The following ZNF521 variants were observed in gnomAD, a reference collection of about 807,000 sequenced individuals.
The protein encoded by ZNF521 is LYST-interacting protein 3.
Under a neutral mutation model 105.5 loss-of-function variants are expected in ZNF521, and 14 were observed. That is an observed-to-expected ratio of 0.13 (90% confidence interval 0.09 to 0.21). The LOEUF (loss-of-function observed/expected upper bound fraction) is 0.21. Ranked by LOEUF, ZNF521 falls within the 10% of genes least tolerant of loss-of-function variation. The pLI is 1.00. For missense variants in ZNF521, 1,233 were observed against 1,629.7 expected, an observed-to-expected ratio of 0.76 and a Z score of 4.19; for synonymous variants, 635 against 606.0, an observed-to-expected ratio of 1.05 and a Z score of -0.70.
chr18:25,270,862 G>C (rs147303377), intron 3 of ZNF521, among the ~76,000 whole-genome samples: 1 of 152,046 alleles, frequency 6.6e-6, no homozygotes, highest in Non-Finnish European at 1.5e-5. Flanking sequence ...TTTGAAAACC[G>C]GCACAACACA....
At chr18:25,071,909 A>T (rs1457598339) in intron 7 of ZNF521, among the ~76,000 whole-genome samples, 1 of 152,146 alleles carries the variant, frequency 6.6e-6, no homozygotes, top group Admixed American at 6.5e-5. Context: ...GAGGAGGCAG[A>T]GGTAAAAAGG....
chr18:25,068,874 C>G (rs1277690126), intron 7 of ZNF521, among the ~76,000 whole-genome samples: 1 of 152,136 alleles, frequency 6.6e-6, no homozygotes, highest in Non-Finnish European at 1.5e-5. Context: ...AGCTGGGCAC[C>G]CCTAAGGAAA....
chr18:25,132,810 A>AG (rs1195687113), intron 5 of ZNF521, among the ~76,000 whole-genome samples: 1 of 152,188 alleles, frequency 6.6e-6, no homozygotes, highest in Non-Finnish European at 1.5e-5. Flanking sequence ...CTGTAATAAA[A>AG]GGGGAGAAAA....
chr18:25,216,838 G>A (rs929363690), intron 4 of ZNF521, among the ~76,000 whole-genome samples: 1 of 152,178 alleles, frequency 6.6e-6, no homozygotes, highest in Non-Finnish European at 1.5e-5. Context: ...TTATAGGCAT[G>A]AGGCATCATG....
At chr18:25,096,124 G>T (rs1246619630) in intron 5 of ZNF521, among the ~76,000 whole-genome samples, 1 of 152,158 alleles carries the variant, frequency 6.6e-6, no homozygotes, top group Non-Finnish European at 1.5e-5. Flanking sequence ...TCATTTAACT[G>T]TGAACATAAA....
rs1203622742 is a variant in ZNF521 at position 25,071,939 on chromosome 18, T to C, written c.3907-9198A>G. On this transcript the variant is annotated intron_variant, in intron 7 of 7. Transcript: ENST00000361524. ...AAAAGGGAGAGAATGGCCCCCGAAG[T>C]AGAGGGAAGAGCAGCAGCAAAGCTG... 2.0e-5 allele frequency among the ~76,000 whole-genome samples: 3 copies of C among 151,800 alleles called. No homozygotes were observed. In the East Asian group the frequency reaches 5.8e-4, roughly 29 times the overall value.
chr18:25,176,202 A>G (rs1429553498), intron 5 of ZNF521, among the ~76,000 whole-genome samples: 7 of 152,160 alleles, frequency 4.6e-5, no homozygotes, highest in Admixed American at 4.6e-4. Flanking sequence ...CAGCAATTAG[A>G]GCCACAATAA....
chr18:25,195,047 C>A, intron 5 of ZNF521, 113 bp downstream of exon 5: 1 of 859,914 alleles, frequency 1.2e-6, no homozygotes, highest in Non-Finnish European at 1.8e-6. Flanking sequence ...ATCAATCATG[C>A]CGAGGAAAAA....
intron 3 of ZNF521, among the ~76,000 whole-genome samples, chr18:25,263,338 A>T (rs2144903978): frequency 6.6e-6 from 1 of 152,088 alleles, no homozygotes; most frequent in African/African-American, 2.4e-5. Flanking sequence ...GAAAAAAAAA[A>T]GTTAGGTCAA....
chr18:25,111,949 C>A (rs903146847), intron 5 of ZNF521, among the ~76,000 whole-genome samples: 1 of 152,178 alleles, frequency 6.6e-6, no homozygotes. Context: ...GGCCTGTGCC[C>A]ACAGCCGCAG....
intron 5 of ZNF521, among the ~76,000 whole-genome samples, chr18:25,116,744 C>A (rs377535137): frequency 1.3e-5 from 2 of 151,336 alleles, no homozygotes; most frequent in African/African-American, 4.9e-5. Context: ...ATATTTTATA[C>A]GCATGTGGAT....
intron 7 of ZNF521, among the ~76,000 whole-genome samples, chr18:25,075,335 A>G (rs1486980361): frequency 6.6e-6 from 1 of 152,238 alleles, no homozygotes; most frequent in Admixed American, 6.5e-5. Flanking sequence ...GACAAGAGGA[A>G]GAGAAATATT....
intron 5 of ZNF521, among the ~76,000 whole-genome samples, chr18:25,118,473 T>C (rs2034371680): frequency 1.3e-5 from 2 of 152,088 alleles, no homozygotes; most frequent in Non-Finnish European, 2.9e-5. Context: ...GTTTATTACC[T>C]ATGTAGACAT....
intron 3 of ZNF521, among the ~76,000 whole-genome samples, chr18:25,250,805 T>C (rs988033901): frequency 1.3e-5 from 2 of 152,216 alleles, no homozygotes; most frequent in Non-Finnish European, 2.9e-5. Flanking sequence ...TCTTGAAATT[T>C]AAAATGTCTC....
At chr18:25,076,636 CTT>C (rs2033368942) in intron 7 of ZNF521, among the ~76,000 whole-genome samples, 1 of 152,106 alleles carries the variant, frequency 6.6e-6, no homozygotes. Flanking sequence ...TACAGGCAGC[CTT>C]TATTATATAA....
At chr18:25,266,190 A>G (rs537580708) in intron 3 of ZNF521, among the ~76,000 whole-genome samples, 87 of 152,350 alleles carry the variant, frequency 5.7e-4, no homozygotes, top group African/African-American at 2.0e-3. Context: ...TATAAAGAGT[A>G]TAATTGGATT....
At chr18:25,188,143 A>G (rs966560615) in intron 5 of ZNF521, among the ~76,000 whole-genome samples, 1 of 152,152 alleles carries the variant, frequency 6.6e-6, no homozygotes, top group Non-Finnish European at 1.5e-5. Context: ...CAGAGCTGCC[A>G]GCTGTACAGC....
chr18:25,189,088 T>C (rs1216754597), intron 5 of ZNF521, among the ~76,000 whole-genome samples: 3 of 152,226 alleles, frequency 2.0e-5, no homozygotes, highest in East Asian at 1.9e-4. Context: ...CTGAAGACTT[T>C]ATCCCAGGTT....
chr18:25,091,924 G>C, intron 6 of ZNF521, 26 bp downstream of exon 6: 3 of 1,612,064 alleles, frequency 1.9e-6, no homozygotes, highest in Admixed American at 1.7e-5. Context: ...AGCCTCTCCT[G>C]TGTCTTCCTG....
Sources: gnomAD v4.1 joint callset for allele counts (sites outside exome capture counted in the v4.1 genomes callset) on GRCh38, gnomAD v4.1.1 for gene constraint, MANE v1.5 for transcripts, NCBI Gene and HGNC (gene_info 2026-07-23, HGNC 2026-07-21) for gene names.